DOCK5: variants seen among roughly 807,000 people sequenced by gnomAD.
DOCK5 encodes the protein dedicator of cytokinesis 5.
Under a neutral mutation model 251.8 loss-of-function variants are expected in DOCK5, and 142 were observed. That is an observed-to-expected ratio of 0.56 (90% CI 0.49 to 0.65). DOCK5 has a LOEUF of 0.65. DOCK5 is among the 30% of genes least tolerant of loss of function. DOCK5 has a pLI of 0.00. For missense variants in DOCK5, 2,111 were observed against 2,312.3 expected, an observed-to-expected ratio of 0.91 and a Z score of 1.79; for synonymous variants, 842 against 835.5, an observed-to-expected ratio of 1.01 and a Z score of -0.13.
intron 1 of DOCK5, among the ~76,000 whole-genome samples, chr8:25,214,805 C>T (rs752150850): frequency 1.8e-4 from 28 of 152,146 alleles, no homozygotes; most frequent in Non-Finnish European, 3.4e-4. Context: ...TTGTGACACG[C>T]GAGAGAGCCC....
intron 28 of DOCK5, 74 bp downstream of exon 28, chr8:25,359,135 C>G: frequency 7.6e-7 from 1 of 1,309,998 alleles, no homozygotes; most frequent in Non-Finnish European, 1.1e-6. Context: ...TGAAGCTGAG[C>G]ATCGTGAGTC....
chr8:25,201,431 CA>C (rs1248291046), intron 1 of DOCK5, among the ~76,000 whole-genome samples: 2 of 152,324 alleles, frequency 1.3e-5, no homozygotes, highest in East Asian at 3.9e-4. Context: ...ACTAACATTA[CA>C]TGCCTTTTAA....
chr8:25,334,024 T>C (rs1187703396), intron 20 of DOCK5, 72 bp from the exon 21 acceptor site: 1 of 1,190,144 alleles, frequency 8.4e-7, no homozygotes, highest in African/African-American at 1.5e-5. Context: ...CACCGAGATG[T>C]TAAAATGCGG....
Position 25,369,573 on chromosome 8 carries a change from C to G in DOCK5, c.3456C>G (p.Ile1152Met). Residue 1152 changes from isoleucine to methionine, a missense_variant, in exon 34 of 52, where the codon ATC becomes ATG. Coordinates refer to ENST00000276440, the MANE Select transcript of DOCK5 (RefSeq NM_024940.8). ...GNFHMFENEL[I>M]TKLDQEVEGG... Reference sequence around the variant, plus strand: ...ACTTTCAGTTTGAGAATGAGCTGATCACAAAGCTGGACCAGGAGGTAGAAG... The same window carrying G: ...ACTTTCAGTTTGAGAATGAGCTGATGACAAAGCTGGACCAGGAGGTAGAAG... The G allele has an allele frequency of 6.2e-7, 1 of 1,610,816 alleles. No individual in the cohort carries two copies. Among genetic ancestry groups the G allele is most frequent in the African/African-American group, 1.3e-5 (1 of 74,974 alleles).
Position 25,351,768 on chromosome 8 carries a change from G to A in DOCK5, c.2792G>A (p.Arg931Gln), listed in dbSNP as rs139516143. Residue 931 changes from arginine to glutamine, a missense_variant, in exon 27 of 52, where the codon CGG (arginine) becomes CAG (glutamine). Physicochemically the swap from Arg to Gln is conservative, Grantham distance 43. Transcript: ENST00000276440. ...TAVHIQLIME[R>Q]LLRRINRTVI... ...GTGCACATTCAGCTTATAATGGAAC[G>A]GCTGCTGAGAAGGATCAACCGGACA... is the stretch of plus-strand genomic sequence containing the variant. 8.7e-6 allele frequency: 14 copies of A among 1,613,858 alleles called. No homozygotes were observed. The highest frequency in any genetic ancestry group is 3.3e-4 in the Middle Eastern group (2 of 6,062).
intron 8 of DOCK5, 183 bp downstream of exon 8, chr8:25,299,284 A>G (rs1192576562): frequency 3.3e-6 from 2 of 603,520 alleles, no homozygotes; most frequent in Admixed American, 3.5e-5. Flanking sequence ...TACTAGAACA[A>G]TGAGGCCAGT....
rs180913592 is a variant in DOCK5 at position 25,391,021 on chromosome 8, C to T, written c.4355+734C>T. On this transcript the variant is annotated intron_variant, in intron 42 of 51. Coordinates refer to ENST00000276440, the MANE Select transcript of DOCK5 (RefSeq NM_024940.8). Reference sequence around the variant, plus strand: ...ACGGGGTTTCACCGTGTTGCCCAGGCTGGTCTCAAACTCCTGAGCTCAGGC... The same window carrying T: ...ACGGGGTTTCACCGTGTTGCCCAGGTTGGTCTCAAACTCCTGAGCTCAGGC... 5.9e-4 allele frequency among the ~76,000 whole-genome samples: 90 copies of T among 151,962 alleles called. No individual in the cohort carries two copies. The Middle Eastern group carries it at 0.01, about 17-fold the overall frequency.
At chr8:25,383,200 T>G (rs1231849686) in intron 40 of DOCK5, among the ~76,000 whole-genome samples, 1 of 152,202 alleles carries the variant, frequency 6.6e-6, no homozygotes, top group Non-Finnish European at 1.5e-5. Context: ...AAGGATGGTA[T>G]TTTTCTTCCA....
chr8:25,265,111 T>C (rs1803703848), intron 2 of DOCK5, among the ~76,000 whole-genome samples: 1 of 151,508 alleles, frequency 6.6e-6, no homozygotes. Context: ...ACCATCTCCA[T>C]GGCATATAAT....
chr8:25,345,972 C>G (rs1274950518), intron 26 of DOCK5, among the ~76,000 whole-genome samples: 1 of 152,138 alleles, frequency 6.6e-6, no homozygotes, highest in Non-Finnish European at 1.5e-5. Context: ...GTCCCAGCCT[C>G]CCGAGTAGCT....
At chr8:25,324,494 C>A (rs1199085429) in intron 17 of DOCK5, among the ~76,000 whole-genome samples, 1 of 152,242 alleles carries the variant, frequency 6.6e-6, no homozygotes, top group Non-Finnish European at 1.5e-5. Context: ...TCTCATTTAG[C>A]CAACAATATC....
chr8:25,279,283 A>G (rs1415959140), intron 5 of DOCK5, among the ~76,000 whole-genome samples: 2 of 152,172 alleles, frequency 1.3e-5, no homozygotes, highest in Non-Finnish European at 1.5e-5. Flanking sequence ...GGAAATTACA[A>G]GGAGCCAGCA....
At position 25,364,561 on chromosome 8, in the gene DOCK5, A is replaced by G. The variant is rs1800742742; in HGVS notation, c.3045-65A>G. 1.6e-5 allele frequency: 20 copies of G among 1,217,134 alleles called. No homozygotes were observed. The South Asian group carries it at 2.3e-4, about 14-fold the overall frequency. The allele number at this position is 1,217,134 out of a possible 1,614,324, so 75.4% of individuals were successfully genotyped here. ...GGTTTGGTTTGGTTTAGTTCTTAAT[A>G]TAGGTGGGAAAAGGTTTCAAAGGAC... is the stretch of plus-strand genomic sequence containing the variant. On this transcript the variant is annotated intron_variant, in intron 29 of 51. Transcript: ENST00000276440.
chr8:25,196,901 C>T (rs1801742578), intron 1 of DOCK5, among the ~76,000 whole-genome samples: 1 of 152,162 alleles, frequency 6.6e-6, no homozygotes. Flanking sequence ...ACAGTTTGTT[C>T]TTCACTAAAT....
chr8:25,370,172 A>C (rs1445268174), intron 34 of DOCK5, among the ~76,000 whole-genome samples: 1 of 152,028 alleles, frequency 6.6e-6, no homozygotes, highest in Non-Finnish European at 1.5e-5. Flanking sequence ...CTCTTCCCCC[A>C]CCACCACACT....
chr8:25,216,011 A>G (rs555774058), intron 1 of DOCK5, among the ~76,000 whole-genome samples: 2 of 151,960 alleles, frequency 1.3e-5, no homozygotes, highest in South Asian at 4.2e-4. Context: ...CAGTATGTAT[A>G]TATGTATACA....
intron 11 of DOCK5, chr8:25,304,573 C>T (rs917262444): frequency 1.2e-5 from 5 of 429,452 alleles, no homozygotes; most frequent in African/African-American, 2.0e-5. Context: ...TAAAAGGGCA[C>T]ATATCTGTCT....
Position 25,403,677 on chromosome 8 carries a change from C to G in DOCK5, c.5046C>G (p.Thr1682=), listed in dbSNP as rs756364148. Residue 1682 remains threonine (T), a synonymous_variant, in exon 48 of 52, where the codon ACC becomes ACG. Coordinates refer to ENST00000276440, the MANE Select transcript of DOCK5 (RefSeq NM_024940.8). ...ITSVTSSVVS[T]SSNSSDNAPS... is the part of the protein sequence containing the mutation. ...CAGTCACTTCCTCTGTGGTTTCCAC[C>G]TCTTCAAACTCGTCTGACAATGCTC... is the stretch of plus-strand genomic sequence containing the variant. 2.6e-5 allele frequency: 42 copies of G among 1,613,858 alleles called. No individual in the cohort carries two copies. The South Asian group carries it at 4.6e-4, about 18-fold the overall frequency.
At chr8:25,202,825 G>A (rs1342161532) in intron 1 of DOCK5, among the ~76,000 whole-genome samples, 1 of 152,154 alleles carries the variant, frequency 6.6e-6, no homozygotes, top group East Asian at 1.9e-4. Flanking sequence ...TTGGGGCCAT[G>A]ATTAAGTAAA....
Sources: gnomAD v4.1 joint callset for allele counts (sites outside exome capture counted in the v4.1 genomes callset) on GRCh38, gnomAD v4.1.1 for gene constraint, MANE v1.5 for transcripts, NCBI Gene and HGNC (gene_info 2026-07-23, HGNC 2026-07-21) for gene names.